Variants in EIF2B3 observed in about 807,000 individuals in gnomAD.
EIF2B3 encodes translation initiation factor eIF2B subunit gamma.
Under a neutral mutation model 54.1 loss-of-function variants are expected in EIF2B3, and 20 were observed. That is an observed-to-expected ratio of 0.37 (90% confidence interval 0.26 to 0.54). The LOEUF (loss-of-function observed/expected upper bound fraction) is 0.54, where lower values mean the gene tolerates loss of function less well. Among genes scored for constraint, EIF2B3 ranks in the 20% least tolerant of loss-of-function variants. EIF2B3 has a pLI of 0.86. For synonymous variants in EIF2B3, 153 were observed against 188.1 expected (o/e 0.81, Z 1.52); for missense variants, 448 against 547.8 (o/e 0.82, Z 1.82).
intron 4 of EIF2B3, among the ~76,000 whole-genome samples, chr1:44,941,184 C>G (rs1644017052): frequency 6.6e-6 from 1 of 152,164 alleles, no homozygotes; most frequent in African/African-American, 2.4e-5. Context: ...CGCACCTGGC[C>G]TATTTTTAAA....
chr1:44,924,572 G>C (rs1643815771), intron 5 of EIF2B3, among the ~76,000 whole-genome samples: 1 of 151,820 alleles, frequency 6.6e-6, no homozygotes, highest in South Asian at 2.1e-4. Flanking sequence ...ATTTTTAGTA[G>C]AGACGGGGTT....
chr1:44,882,928 C>CTT (rs1003449669), intron 6 of EIF2B3, among the ~76,000 whole-genome samples: 12,428 of 114,372 alleles, frequency 0.11, 983 homozygotes, highest in Non-Finnish European at 0.16. Context: ...TTTTCTTTTT[C>CTT]TTTTTTTTTT....
rs146656244 is a variant in EIF2B3 at position 44,912,435 on chromosome 1, C to T, written c.566+14193G>A. Among the ~76,000 whole-genome samples, 655 of 152,174 alleles carry T rather than the reference C, an allele frequency of 4.3e-3. 3 individuals are homozygous for T. Among genetic ancestry groups the T allele is most frequent in the East Asian group, 7.9e-3 (41 of 5,182 alleles). ...GAATCCTATATTTGAATAATCATTT[C>T]CTTCCTCAAAAGTTTTTAATAATTC... On this transcript the variant is annotated intron_variant, in intron 5 of 11. Coordinates refer to ENST00000360403, the MANE Select transcript of EIF2B3 (RefSeq NM_020365.5).
At chr1:44,983,004 A>G (rs1197185383) in intron 1 of EIF2B3, among the ~76,000 whole-genome samples, 1 of 152,126 alleles carries the variant, frequency 6.6e-6, no homozygotes, top group Non-Finnish European at 1.5e-5. Context: ...TCCCAACCTC[A>G]GGTGATCTGC....
intron 6 of EIF2B3, among the ~76,000 whole-genome samples, chr1:44,888,145 G>A (rs1655661819): frequency 6.6e-6 from 1 of 152,104 alleles, no homozygotes; most frequent in African/African-American, 2.4e-5. Context: ...GCCCAACTGG[G>A]GGCAAGTTTG....
chr1:44,913,888 A>G (rs438493), intron 5 of EIF2B3, among the ~76,000 whole-genome samples: 71,551 of 149,190 alleles, frequency 0.48, 17,787 homozygotes, highest in African/African-American at 0.62. Flanking sequence ...GTGCAATGGC[A>G]CAATCTCGGC....
chr1:44,885,319 AC>A lies in EIF2B3; in HGVS notation c.657-3581del, dbSNP rs1362126172. 1.4e-4 allele frequency among the ~76,000 whole-genome samples: 21 copies of A among 152,324 alleles called. No homozygotes were observed. The South Asian group carries it at 1.9e-3, about 14-fold the overall frequency. ...TAATAAACAGATATGTGTTAAAAAAACATATAAAATATTTTCAAAGAAGTAA... is the reference window on the plus strand; with the variant it reads ...TAATAAACAGATATGTGTTAAAAAAAATATAAAATATTTTCAAAGAAGTAA... On this transcript the variant is annotated intron_variant, in intron 6 of 11. Coordinates refer to ENST00000360403, the MANE Select transcript of EIF2B3 (RefSeq NM_020365.5).
At chr1:44,858,726 A>G (rs887355107) in intron 10 of EIF2B3, among the ~76,000 whole-genome samples, 6 of 152,058 alleles carry the variant, frequency 3.9e-5, no homozygotes, top group African/African-American at 1.4e-4. Context: ...TGGCTTCCCA[A>G]TGTGCTGGGA....
chr1:44,857,571 G>T, intron 11 of EIF2B3, 133 bp downstream of exon 11: 1 of 832,528 alleles, frequency 1.2e-6, no homozygotes. Flanking sequence ...GCTCTCCAAA[G>T]ATGGCTTTAT....
intron 3 of EIF2B3, among the ~76,000 whole-genome samples, chr1:44,975,206 G>A (rs1253428840): frequency 6.6e-6 from 1 of 151,728 alleles, no homozygotes; most frequent in Non-Finnish European, 1.5e-5. Flanking sequence ...ACAGAGCAAG[G>A]CTGTCTCAAG....
At chr1:44,959,637 TC>T (rs1644264078) in intron 3 of EIF2B3, among the ~76,000 whole-genome samples, 1 of 152,214 alleles carries the variant, frequency 6.6e-6, no homozygotes, top group African/African-American at 2.4e-5. Context: ...TAGATACGAC[TC>T]CCCAGCCTCC....
intron 6 of EIF2B3, among the ~76,000 whole-genome samples, chr1:44,886,826 C>T (rs116427512): frequency 0.012 from 1,868 of 152,338 alleles, 40 homozygotes; most frequent in African/African-American, 0.043. Context: ...CATGAGGCAT[C>T]CTTGGAGTCT....
chr1:44,938,799 A>C (rs1389952515), intron 4 of EIF2B3, among the ~76,000 whole-genome samples: 1 of 151,960 alleles, frequency 6.6e-6, no homozygotes, highest in African/African-American at 2.4e-5. Flanking sequence ...ATCTTTTTAA[A>C]AAGAAAGAAA....
At chr1:44,938,478 T>TTC (rs141848663) in intron 4 of EIF2B3, among the ~76,000 whole-genome samples, 1,783 of 144,758 alleles carry the variant, frequency 0.012, 18 homozygotes, top group Middle Eastern at 0.031. Context: ...GAGACCTAAT[T>TTC]TCTCTCTCTC....
In EIF2B3 at chr1:44,881,419, G is replaced by A. The variant is rs116323186; in HGVS notation, c.784+193C>T. Among the ~76,000 whole-genome samples the A allele has an allele frequency of 6.7e-3, 1,017 of 152,288 alleles. 13 individuals carry two copies. Among genetic ancestry groups the A allele is most frequent in the African/African-American group, 0.023 (966 of 41,560 alleles). ...GGAGGCATGATTAGCCTGTTGCCGA[G>A]AGCACAGTGGCAGAATCTGCCTGAG... On this transcript the variant is annotated intron_variant, in intron 7 of 11. Coordinates refer to ENST00000360403, the MANE Select transcript of EIF2B3 (RefSeq NM_020365.5). This position sits in a 1 kb window ranked among gnomAD's most constrained non-coding sequence, Gnocchi z 4.0.
chr1:44,911,612 G>A (rs1020189801), intron 5 of EIF2B3, among the ~76,000 whole-genome samples: 4 of 152,028 alleles, frequency 2.6e-5, no homozygotes, highest in East Asian at 1.9e-4. Context: ...TTCCCACAGA[G>A]GTTAAAAAGA....
intron 3 of EIF2B3, among the ~76,000 whole-genome samples, chr1:44,956,361 TC>T (rs1644224775): frequency 6.6e-6 from 1 of 151,020 alleles, no homozygotes; most frequent in African/African-American, 2.4e-5. Context: ...CCAGGGCCTG[TC>T]GGGGGGTGGG....
chr1:44,864,098 TAGGGGAAATCAA>T (rs1654695228), intron 10 of EIF2B3, among the ~76,000 whole-genome samples: 2 of 152,166 alleles, frequency 1.3e-5, no homozygotes, highest in African/African-American at 4.8e-5. Context: ...CTAGGGAGTT[TAGGGGAAATCAA>T]AGCAAAGATG....
intron 4 of EIF2B3, among the ~76,000 whole-genome samples, chr1:44,930,768 G>A (rs1302683285): frequency 6.6e-6 from 1 of 152,222 alleles, no homozygotes; most frequent in Non-Finnish European, 1.5e-5. Context: ...AACCTCCCAA[G>A]TAGCTGGGAC....
Sources: gnomAD v4.1 joint callset for allele counts (sites outside exome capture counted in the v4.1 genomes callset) on GRCh38, gnomAD v4.1.1 for gene constraint, Gnocchi (gnomAD v3.1) non-coding constraint, MANE v1.5 for transcripts, NCBI Gene and HGNC (gene_info 2026-07-23, HGNC 2026-07-21) for gene names.